TTC39B: variants seen among roughly 807,000 people sequenced by gnomAD.
TTC39B encodes the protein tetratricopeptide repeat protein 39B.
Under a neutral mutation model 96.6 loss-of-function variants are expected in TTC39B, and 92 were observed. The observed-to-expected ratio is 0.95, with a 90% CI of 0.80 to 1.13. The LOEUF (loss-of-function observed/expected upper bound fraction) is 1.13. TTC39B is among the 50% of genes most tolerant of loss of function. TTC39B has a pLI of 0.00. For missense variants in TTC39B, 955 were observed against 809.3 expected (o/e 1.18, Z -2.18); for synonymous variants, 367 against 299.4 (o/e 1.23, Z -2.33).
At position 15,190,543 on chromosome 9, in the gene TTC39B, C is replaced by G; in HGVS notation, c.1105+11G>C. ...TCAATGTTCAATGAAACAATCTAAT[C>G]CAGATCTTACCAAGTATTAGGGAGA... On this transcript the variant is annotated intron_variant, in intron 11 of 19. Coordinates refer to ENST00000512701, the Ensembl canonical transcript of TTC39B. 6.2e-7 allele frequency: 1 copy of G among 1,604,766 alleles called. No individual in the cohort carries two copies. Among genetic ancestry groups the G allele is most frequent in the Non-Finnish European group, 8.5e-7 (1 of 1,171,568 alleles).
At chr9:15,204,624 T>A (rs547510545) in intron 6 of TTC39B, among the ~76,000 whole-genome samples, 1 of 151,934 alleles carries the variant, frequency 6.6e-6, no homozygotes, top group South Asian at 2.1e-4. Flanking sequence ...TATGAAGGTA[T>A]GGTAACCATG....
In TTC39B at chr9:15,188,018, C is replaced by A. The variant is rs1818633093; in HGVS notation, c.1348G>T (p.Ala450Ser). Residue 450 changes from alanine (A) to serine (S), a missense_variant, in exon 14 of 20, where the codon GCA becomes TCA. Physicochemically the swap from Ala to Ser is moderately conservative, Grantham distance 99. Coordinates refer to ENST00000512701, the Ensembl canonical transcript of TTC39B. ...CAAAGCAGATCTGAATAGTAATATG[C>A]CTGCATCCAGTTTTGTTGGAAAACA... 1.9e-6 allele frequency: 3 copies of A among 1,612,468 alleles called. No homozygotes were observed. The South Asian group carries it at 3.3e-5, about 18-fold the overall frequency.
At chr9:15,273,788 T>C (rs1326219774) in intron 1 of TTC39B, among the ~76,000 whole-genome samples, 1 of 152,162 alleles carries the variant, frequency 6.6e-6, no homozygotes, top group Non-Finnish European at 1.5e-5. Flanking sequence ...GCTACAACTG[T>C]TGAGAACTCT....
chr9:15,172,099 T>G (rs756726329), exon 20 of TTC39B: 48 of 1,612,036 alleles, frequency 3.0e-5, no homozygotes, highest in Non-Finnish European at 3.8e-5. Context: ...GAGTAATCTT[T>G]GTAGTTGTTC....
chr9:15,198,612 A>C (rs1368921463), intron 8 of TTC39B, among the ~76,000 whole-genome samples: 1 of 151,818 alleles, frequency 6.6e-6, no homozygotes, highest in African/African-American at 2.4e-5. Flanking sequence ...TAAACACTAG[A>C]GCAACCACAA....
intron 8 of TTC39B, 26 bp from the exon 9 acceptor site, chr9:15,192,721 C>CG: frequency 6.6e-7 from 1 of 1,513,278 alleles, no homozygotes; most frequent in Non-Finnish European, 9.2e-7. Flanking sequence ...AAAGTGACAG[C>CG]ATAAGTTGAC....
At chr9:15,268,064 T>A in intron 1 of TTC39B, 116 bp from the exon 2 acceptor site, 1 of 773,644 alleles carries the variant, frequency 1.3e-6, no homozygotes, top group Non-Finnish European at 2.1e-6. Flanking sequence ...CAGGAAGGTA[T>A]AGCAGGCAGT....
chr9:15,246,863 G>C (rs1822302186), intron 2 of TTC39B, among the ~76,000 whole-genome samples: 1 of 152,226 alleles, frequency 6.6e-6, no homozygotes, highest in East Asian at 1.9e-4. Flanking sequence ...TTTCCTCTGA[G>C]ACCTGCATAA....
At chr9:15,276,866 T>A (rs1344029641) in intron 1 of TTC39B, among the ~76,000 whole-genome samples, 1 of 152,138 alleles carries the variant, frequency 6.6e-6, no homozygotes, top group Non-Finnish European at 1.5e-5. Context: ...ACAGGCTCAA[T>A]AAATACAACT....
intron 2 of TTC39B, among the ~76,000 whole-genome samples, chr9:15,257,023 A>G (rs1183275026): frequency 6.6e-6 from 1 of 152,252 alleles, no homozygotes; most frequent in Non-Finnish European, 1.5e-5. Context: ...TGTTAAAAAA[A>G]TAAATGAGAC....
intron 1 of TTC39B, among the ~76,000 whole-genome samples, chr9:15,294,116 T>A (rs1031773259): frequency 2.0e-5 from 3 of 152,196 alleles, no homozygotes; most frequent in Admixed American, 1.3e-4. Context: ...GCATGTTACT[T>A]TAAAGGCAAT....
At chr9:15,249,788 C>T in intron 2 of TTC39B, 2 of 673,362 alleles carry the variant, frequency 3.0e-6, no homozygotes, top group Non-Finnish European at 4.0e-6. Flanking sequence ...ACAAAAACTG[C>T]AGGTTCCAGT....
At chr9:15,178,566 C>A (rs1021084252) in intron 17 of TTC39B, among the ~76,000 whole-genome samples, 1 of 152,158 alleles carries the variant, frequency 6.6e-6, no homozygotes, top group Admixed American at 6.5e-5. Context: ...AAGAGCAAGA[C>A]CCCATCTGAT....
chr9:15,211,582 A>T (rs1180430870), intron 4 of TTC39B, among the ~76,000 whole-genome samples, 185 bp from the exon 5 acceptor site: 1 of 152,146 alleles, frequency 6.6e-6, no homozygotes, highest in African/African-American at 2.4e-5. Flanking sequence ...TCCAATGTAA[A>T]CCCACACAGG....
exon 20 of TTC39B, chr9:15,166,840 T>C (rs1817525967): frequency 6.6e-6 from 1 of 150,886 alleles, no homozygotes; most frequent in African/African-American, 2.4e-5. Flanking sequence ...TATAGCTATC[T>C]ATAGATACAT....
At chr9:15,228,915 G>C (rs1821275796) in intron 2 of TTC39B, among the ~76,000 whole-genome samples, 1 of 152,154 alleles carries the variant, frequency 6.6e-6, no homozygotes, top group African/African-American at 2.4e-5. Context: ...TAAAAGATTA[G>C]ATTCAGATTC....
intron 1 of TTC39B, among the ~76,000 whole-genome samples, chr9:15,294,358 C>A (rs1216413854): frequency 2.0e-5 from 3 of 152,170 alleles, no homozygotes; most frequent in African/African-American, 7.2e-5. Context: ...CACAAACATA[C>A]CTTTTACAGG....
At chr9:15,277,426 AAAC>A (rs1178571770) in intron 1 of TTC39B, among the ~76,000 whole-genome samples, 3 of 152,170 alleles carry the variant, frequency 2.0e-5, no homozygotes, top group East Asian at 1.9e-4. Flanking sequence ...CTCCGTCTAA[AAAC>A]AACAACAACG....
At chr9:15,255,269 A>G (rs937452066) in intron 2 of TTC39B, among the ~76,000 whole-genome samples, 2 of 152,154 alleles carry the variant, frequency 1.3e-5, no homozygotes, top group African/African-American at 4.8e-5. Context: ...ACTATTTATT[A>G]GATGTGCATC....
Sources: gnomAD v4.1 joint callset for allele counts (sites outside exome capture counted in the v4.1 genomes callset) on GRCh38, gnomAD v4.1.1 for gene constraint, MANE v1.5 for transcripts, NCBI Gene and HGNC (gene_info 2026-07-23, HGNC 2026-07-21) for gene names.